Variants in WDR49 observed in about 807,000 individuals in gnomAD.
WDR49 encodes WD repeat domain 49, also known as cilia- and flagella-associated protein 337.
WDR49 carries 107 observed loss-of-function variants against 119.5 expected under a neutral mutation model. The observed-to-expected ratio is 0.90, with a 90% CI of 0.77 to 1.05. WDR49 has a LOEUF of 1.05. WDR49 is among the 50% of genes least tolerant of loss of function. WDR49 has a pLI of 0.00. For synonymous variants in WDR49, 425 were observed against 418.8 expected, an observed-to-expected ratio of 1.01 and a Z score of -0.18; for missense variants, 1,240 against 1,220.5, an observed-to-expected ratio of 1.02 and a Z score of -0.24.
chr3:167,603,231 C>T (rs973323771), intron 6 of WDR49, among the ~76,000 whole-genome samples: 4 of 151,958 alleles, frequency 2.6e-5, no homozygotes, highest in East Asian at 3.9e-4. Context: ...TAGCTTAGGG[C>T]CAGTTGTGGA....
At chr3:167,487,940 T>G (rs1750987905) in intron 18 of WDR49, among the ~76,000 whole-genome samples, 1 of 152,080 alleles carries the variant, frequency 6.6e-6, no homozygotes, top group African/African-American at 2.4e-5. Context: ...GTAAATTAGT[T>G]CAGCCACTGT....
chr3:167,483,166 A>T (rs992680959), intron 18 of WDR49, among the ~76,000 whole-genome samples: 3 of 152,214 alleles, frequency 2.0e-5, no homozygotes, highest in Non-Finnish European at 4.4e-5. Context: ...AAAATGAAAG[A>T]TAGTATTTTC....
intron 2 of WDR49, among the ~76,000 whole-genome samples, chr3:167,638,856 G>A (rs1717741054): frequency 6.6e-6 from 1 of 151,498 alleles, no homozygotes; most frequent in Non-Finnish European, 1.5e-5. Context: ...TGAATTTAAG[G>A]TTTGGAACCA....
At chr3:167,625,868 A>C (rs938054286) in intron 3 of WDR49, among the ~76,000 whole-genome samples, 1 of 151,862 alleles carries the variant, frequency 6.6e-6, no homozygotes, top group African/African-American at 2.4e-5. Context: ...GAAAATTCTA[A>C]AGGACAAACC....
At chr3:167,495,883 GAAAAAAA>G in intron 18 of WDR49, among the ~76,000 whole-genome samples, 21 of 71,222 alleles carry the variant, frequency 2.9e-4, no homozygotes, top group East Asian at 4.4e-4. Flanking sequence ...TTAAAAATTT[GAAAAAAA>G]AAAAAAAAAA....
At chr3:167,531,495 A>G (rs996627995) in intron 12 of WDR49, among the ~76,000 whole-genome samples, 2 of 152,090 alleles carry the variant, frequency 1.3e-5, no homozygotes, top group Non-Finnish European at 2.9e-5. Context: ...TTCCATACAC[A>G]CTTGCTCTGT....
chr3:167,567,453 T>A (rs1335658507), intron 8 of WDR49, among the ~76,000 whole-genome samples: 6 of 152,228 alleles, frequency 3.9e-5, no homozygotes, highest in Admixed American at 2.6e-4. Context: ...CTGTTGTAGA[T>A]CCTGTGAAGT....
chr3:167,485,393 G>GA (rs540500469), intron 18 of WDR49, among the ~76,000 whole-genome samples: 1 of 150,922 alleles, frequency 6.6e-6, no homozygotes, highest in African/African-American at 2.4e-5. Context: ...AATAAAAGTT[G>GA]AAAAAAAAGA....
At chr3:167,624,661 C>T (rs980725832) in intron 3 of WDR49, among the ~76,000 whole-genome samples, 4 of 151,948 alleles carry the variant, frequency 2.6e-5, no homozygotes, top group Non-Finnish European at 5.9e-5. Flanking sequence ...AAAAAAGCAA[C>T]ATTCTTTAAG....
At chr3:167,502,886 TA>T (rs1465908821) in intron 17 of WDR49, among the ~76,000 whole-genome samples, 3 of 152,002 alleles carry the variant, frequency 2.0e-5, no homozygotes, top group African/African-American at 7.2e-5. Flanking sequence ...CAAACAAATT[TA>T]AAAAAAGCAT....
At chr3:167,571,105 G>A (rs1468585114) in intron 8 of WDR49, among the ~76,000 whole-genome samples, 1 of 151,912 alleles carries the variant, frequency 6.6e-6, no homozygotes, top group Admixed American at 6.6e-5. Flanking sequence ...CCACTCTATG[G>A]CTGTGACCTG....
intron 3 of WDR49, among the ~76,000 whole-genome samples, chr3:167,624,082 C>T (rs190324175): frequency 4.6e-5 from 7 of 151,944 alleles, no homozygotes; most frequent in Admixed American, 4.6e-4. Flanking sequence ...TTTGGATAGA[C>T]ATTTTACAAA....
intron 4 of WDR49, among the ~76,000 whole-genome samples, chr3:167,621,203 G>T (rs1030047337): frequency 6.6e-6 from 1 of 151,866 alleles, no homozygotes; most frequent in African/African-American, 2.4e-5. Context: ...GGTGAAAAAG[G>T]TTAGCAAGAT....
At chr3:167,500,577 A>G (rs1190137244) in intron 17 of WDR49, among the ~76,000 whole-genome samples, 1 of 152,158 alleles carries the variant, frequency 6.6e-6, no homozygotes, top group Non-Finnish European at 1.5e-5. Context: ...GAAAATGAAT[A>G]TTCTGCAGTT....
chr3:167,619,019 G>T (rs1257280377), intron 5 of WDR49, among the ~76,000 whole-genome samples: 4 of 152,056 alleles, frequency 2.6e-5, no homozygotes, highest in Admixed American at 2.0e-4. Flanking sequence ...TGCATCATCG[G>T]AAAAGACAAT....
At chr3:167,548,829 C>T (rs891323192) in intron 10 of WDR49, among the ~76,000 whole-genome samples, 12 of 152,042 alleles carry the variant, frequency 7.9e-5, no homozygotes, top group Non-Finnish European at 1.2e-4. Flanking sequence ...TCTCCTAATG[C>T]TATCCCTCCC....
chr3:167,646,780 G>A (rs1298416447), intron 2 of WDR49, among the ~76,000 whole-genome samples: 1 of 152,128 alleles, frequency 6.6e-6, no homozygotes, highest in African/African-American at 2.4e-5. Context: ...AGCAGTAGAG[G>A]AACATAATGT....
chr3:167,650,010 T>C (rs1718296337), intron 2 of WDR49, among the ~76,000 whole-genome samples: 1 of 152,124 alleles, frequency 6.6e-6, no homozygotes, highest in Non-Finnish European at 1.5e-5. Context: ...CGGGCAGCAA[T>C]TAATCTAGGA....
intron 5 of WDR49, among the ~76,000 whole-genome samples, chr3:167,605,368 A>G (rs913165366): frequency 1.8e-4 from 27 of 152,158 alleles, no homozygotes; most frequent in African/African-American, 6.5e-4. Context: ...AACTAAATTA[A>G]TGATGTTGAG....
Sources: allele counts gnomAD v4.1 joint callset (sites outside exome capture counted in the v4.1 genomes callset), GRCh38; gene constraint gnomAD v4.1.1; transcripts MANE v1.5; gene names NCBI Gene and HGNC (gene_info 2026-07-23, HGNC 2026-07-21).